The following C11orf65 variants were observed in gnomAD, a reference collection of about 807,000 sequenced individuals.
C11orf65 encodes chromosome 11 open reading frame 65.
C11orf65 carries 38 observed loss-of-function variants against 35.3 expected under a neutral mutation model. The observed-to-expected ratio is 1.08, with a 90% CI of 0.83 to 1.41. The LOEUF (loss-of-function observed/expected upper bound fraction) is 1.41, where lower values mean the gene tolerates loss of function less well. C11orf65 is among the 40% of genes most tolerant of loss of function. The probability of loss-of-function intolerance (pLI) is 0.00; values close to 1 mark genes in which losing one functional copy is unlikely to be tolerated. For synonymous variants in C11orf65, 105 were observed against 114.4 expected (o/e 0.92, Z 0.53); for missense variants, 370 against 367.1 (o/e 1.01, Z -0.06).
chr11:108,422,507 G>A (rs929293519), intron 3 of C11orf65, among the ~76,000 whole-genome samples: 1 of 152,120 alleles, frequency 6.6e-6, no homozygotes, highest in Non-Finnish European at 1.5e-5. Context: ...TATTTTAAAG[G>A]TGGCACCGCA....
chr11:108,362,797 G>T (rs1271843988), intron 2 of C11orf65, among the ~76,000 whole-genome samples: 2 of 127,038 alleles, frequency 1.6e-5, no homozygotes, highest in Admixed American at 8.6e-5. Context: ...TGGGGACTGT[G>T]GTGGGGTGGG....
At chr11:108,325,634 A>G in intron 6 of C11orf65, 1 of 1,098,220 alleles carries the variant, frequency 9.1e-7, no homozygotes, top group Non-Finnish European at 1.3e-6. Flanking sequence ...AAGAAATGTC[A>G]TTAAGAGATA....
intron 2 of C11orf65, among the ~76,000 whole-genome samples, chr11:108,344,180 G>A (rs1246981312): frequency 2.6e-5 from 4 of 152,172 alleles, no homozygotes; most frequent in Non-Finnish European, 4.4e-5. Flanking sequence ...TGTTGTGATG[G>A]AAGTCTGTAC....
intron 2 of C11orf65, among the ~76,000 whole-genome samples, chr11:108,374,884 T>A (rs1430976893): frequency 1.3e-5 from 2 of 151,962 alleles, no homozygotes; most frequent in Non-Finnish European, 2.9e-5. Context: ...AGAAAGGGTA[T>A]CAGCAATGGA....
chr11:108,469,093 T>C (rs2135833409), upstream of C11orf65, among the ~76,000 whole-genome samples: 1 of 151,796 alleles, frequency 6.6e-6, no homozygotes, highest in East Asian at 1.9e-4. Context: ...CTGCCTGTAG[T>C]CCCAGCTACT....
rs759392666 is a variant in C11orf65, at chr11:108,332,844, G to C, written c.300-1277C>G. On this transcript the variant is annotated intron_variant, in intron 3 of 3. Transcript: ENST00000524755. ...ATGGTCAGAAGTGTTGAGGCACTTTGTGATGCTTATATTATATTAGCAAAC... is the reference window on the plus strand; with the variant it reads ...ATGGTCAGAAGTGTTGAGGCACTTTCTGATGCTTATATTATATTAGCAAAC... 5 of 1,613,220 alleles carry C rather than the reference G, an allele frequency of 3.1e-6. No individual in the cohort carries two copies. The highest frequency in any genetic ancestry group is 1.7e-5 in the Admixed American group (1 of 60,008).
intron 6 of C11orf65, 29 bp from the exon 7 acceptor site, chr11:108,393,407 A>C (rs759000694): frequency 1.3e-5 from 21 of 1,582,356 alleles, no homozygotes; most frequent in Non-Finnish European, 1.7e-5. Context: ...AAGAGAAGTA[A>C]ATCTTTTGAA....
intron 2 of C11orf65, chr11:108,364,940 C>A: frequency 1.1e-6 from 1 of 884,702 alleles, no homozygotes; most frequent in South Asian, 1.6e-5. Context: ...CTCAAGGAAA[C>A]ATGAAGTGTG....
intron 2 of C11orf65, among the ~76,000 whole-genome samples, chr11:108,438,314 G>A (rs1299794889): frequency 6.6e-6 from 1 of 152,128 alleles, no homozygotes; most frequent in Non-Finnish European, 1.5e-5. Context: ...CAATTTGGGA[G>A]GCCGAGACGG....
intron 2 of C11orf65, among the ~76,000 whole-genome samples, chr11:108,371,419 C>T (rs1359062277): frequency 1.3e-5 from 2 of 152,216 alleles, no homozygotes; most frequent in African/African-American, 4.8e-5. Flanking sequence ...AACTACTGTT[C>T]TACCTTTTGT....
chr11:108,413,390 C>T lies in C11orf65; in HGVS notation c.175-6241G>A, dbSNP rs146402505. ...CCACTGTCTATCACTCCACTCTCTA[C>T]GTTCATGTGTATACATTTTTAGCAT... On this transcript the variant is annotated intron_variant, in intron 3 of 8. Coordinates refer to ENST00000393084, the MANE Select transcript of C11orf65 (RefSeq NM_152587.5). Among the ~76,000 whole-genome samples, 645 of 152,226 alleles carry T rather than the reference C, an allele frequency of 4.2e-3. 6 individuals carry two copies. In the South Asian group the frequency reaches 0.046, roughly 11 times the overall value.
At chr11:108,328,871 G>T, downstream of C11orf65, 2 of 838,762 alleles carry the variant, frequency 2.4e-6, no homozygotes, top group East Asian at 2.7e-5. Context: ...CATGGGCCGT[G>T]GGTTGGACAA....
intron 6 of C11orf65, among the ~76,000 whole-genome samples, chr11:108,401,658 T>C (rs1173925771): frequency 6.6e-6 from 1 of 152,124 alleles, no homozygotes; most frequent in African/African-American, 2.4e-5. Context: ...CCCCATGAAA[T>C]GCTTAAAAGG....
chr11:108,370,448 T>A (rs1191423623), intron 2 of C11orf65, among the ~76,000 whole-genome samples: 1 of 151,924 alleles, frequency 6.6e-6, no homozygotes, highest in African/African-American at 2.4e-5. Context: ...TAGATCATAT[T>A]CCAATCTATA....
chr11:108,421,954 C>T lies in C11orf65; in HGVS notation c.174+9792G>A, dbSNP rs139281918. On this transcript the variant is annotated intron_variant, in intron 3 of 8. Coordinates refer to ENST00000393084, the MANE Select transcript of C11orf65 (RefSeq NM_152587.5). ...TGATGGTTATTCTTTTTTTTTGAGACGAAGTCTCACACTGTCACCCGGGTT... is the reference window on the plus strand; with the variant it reads ...TGATGGTTATTCTTTTTTTTTGAGATGAAGTCTCACACTGTCACCCGGGTT... Among the ~76,000 whole-genome samples, 444 of 151,912 alleles carry T rather than the reference C, an allele frequency of 2.9e-3. 4 individuals are homozygous for T. Among genetic ancestry groups the T allele is most frequent in the African/African-American group, 9.0e-3 (374 of 41,460 alleles).
At chr11:108,448,081 C>G (rs2093290983) in intron 2 of C11orf65, among the ~76,000 whole-genome samples, 1 of 152,056 alleles carries the variant, frequency 6.6e-6, no homozygotes, top group Non-Finnish European at 1.5e-5. Context: ...AAGACTAAAC[C>G]AGGAAGAAGT....
intron 2 of C11orf65, among the ~76,000 whole-genome samples, chr11:108,459,919 G>A (rs1173950912): frequency 6.6e-6 from 1 of 152,150 alleles, no homozygotes; most frequent in African/African-American, 2.4e-5. Flanking sequence ...CGATAGAAAA[G>A]CTTACGCCTA....
At chr11:108,353,499 G>A (rs990374336) in intron 2 of C11orf65, among the ~76,000 whole-genome samples, 1 of 152,074 alleles carries the variant, frequency 6.6e-6, no homozygotes, top group Non-Finnish European at 1.5e-5. Flanking sequence ...TATACCAGTA[G>A]TTACTTCATT....
intron 3 of C11orf65, among the ~76,000 whole-genome samples, chr11:108,417,305 G>T (rs1198945484): frequency 1.3e-5 from 2 of 152,136 alleles, no homozygotes; most frequent in African/African-American, 4.8e-5. Context: ...CACTTTGGGA[G>T]GCCGAGGCAG....
Sources: gnomAD v4.1 joint callset for allele counts (sites outside exome capture counted in the v4.1 genomes callset) on GRCh38, gnomAD v4.1.1 for gene constraint, MANE v1.5 for transcripts, NCBI Gene and HGNC (gene_info 2026-07-23, HGNC 2026-07-21) for gene names.